Variants in COL9A3 observed in about 807,000 individuals in gnomAD.
COL9A3 encodes collagen alpha-3(IX) chain.
A neutral mutation model predicts 110.2 loss-of-function variants in COL9A3; 82 were observed. That is an observed-to-expected ratio of 0.74 (90% CI 0.62 to 0.89). COL9A3 has a LOEUF of 0.89. Among genes scored for constraint, COL9A3 ranks in the 40% least tolerant of loss-of-function variants. The pLI is 0.00. For missense variants in COL9A3, 1,066 were observed against 981.3 expected, an observed-to-expected ratio of 1.09 and a Z score of -1.15; for synonymous variants, 494 against 403.8, an observed-to-expected ratio of 1.22 and a Z score of -2.68.
chr20:62,838,638 G>A (rs949948971), intron 30 of COL9A3, 46 bp from the exon 31 acceptor site: 5 of 1,503,590 alleles, frequency 3.3e-6, no homozygotes, highest in African/African-American at 2.8e-5. Context: ...TGGTGTGGCT[G>A]CAACAGATAC....
At chr20:62,826,339 CGTGA>C (rs1313076615) in intron 14 of COL9A3, 82 bp downstream of exon 14, 2 of 1,297,162 alleles carry the variant, frequency 1.5e-6, no homozygotes, top group East Asian at 5.1e-5. Flanking sequence ...AGATGGGCCC[CGTGA>C]GTGACACTCT....
Position 62,828,921 on chromosome 20 carries a change from A to G in COL9A3, c.955-2A>G. The G allele has an allele frequency of 1.2e-6, 2 of 1,612,392 alleles. No individual in the cohort carries two copies. The highest frequency in any genetic ancestry group is 1.7e-6 in the Non-Finnish European group (2 of 1,179,860). Reference sequence around the variant, plus strand: ...TCCGCACCCCAATCTCTGTCCTCACAGGGAGAGGCTGGTCGCAACGGTGCT... The same window carrying G: ...TCCGCACCCCAATCTCTGTCCTCACGGGGAGAGGCTGGTCGCAACGGTGCT... On this transcript the variant is annotated splice_acceptor_variant, in intron 18 of 31. Coordinates refer to ENST00000649368, the MANE Select transcript of COL9A3 (RefSeq NM_001853.4). LOFTEE classifies it high-confidence loss of function.
intron 1 of COL9A3, 79 bp from the exon 2 acceptor site, chr20:62,817,488 C>G: frequency 4.6e-6 from 5 of 1,083,142 alleles, no homozygotes; most frequent in Non-Finnish European, 6.9e-6. Context: ...CCCGGAGCCG[C>G]TCGGGACCCG....
At chr20:62,834,766 C>A (rs755335876) in intron 26 of COL9A3, among the ~76,000 whole-genome samples, 1 of 152,180 alleles carries the variant, frequency 6.6e-6, no homozygotes. Context: ...CCTCAGCCTC[C>A]CGAGTAGCTG....
Position 62,840,651 on chromosome 20 carries a change from AC to A in COL9A3, c.1976del (p.Pro659ArgfsTer14), listed in dbSNP as rs778610378. 1.1e-5 allele frequency: 18 copies of A among 1,609,800 alleles called. No homozygotes were observed. The highest frequency in any genetic ancestry group is 1.4e-5 in the Non-Finnish European group (16 of 1,178,436). On this transcript the variant is annotated frameshift_variant, in exon 32 of 32. Coordinates refer to ENST00000649368, the MANE Select transcript of COL9A3 (RefSeq NM_001853.4). LOFTEE classifies it high-confidence loss of function. Reference protein sequence around the residue: ...LPGAIGAQGTPGICDTSACQG... With the variant: ...LPGAIGAQGTXGICDTSACQG... The stretch of plus-strand genomic sequence containing the variant: ...CAGGTGCCATTGGGGCCCAGGGGAC[AC>A]CGGGGATCTGCGACACCTCAGCCTG...
chr20:62,832,695 A>C lies in COL9A3; in HGVS notation c.1324-325A>C, dbSNP rs1311091207. The C allele has an allele frequency of 7.5e-5, 28 of 372,870 alleles. No homozygotes were observed. The South Asian group carries it at 8.9e-4, about 12-fold the overall frequency. The allele number at this position is 372,870 out of a possible 1,614,324, so 23.1% of individuals were successfully genotyped here. ...GGCCGTGGCTGCCCCGCCCTCCTGC[A>C]GTGCCTGCTCTCACTTCTAGGCACA... is the stretch of plus-strand genomic sequence containing the variant. On this transcript the variant is annotated intron_variant, in intron 25 of 31. Coordinates refer to ENST00000649368, the MANE Select transcript of COL9A3 (RefSeq NM_001853.4).
At chr20:62,819,383 C>A in intron 4 of COL9A3, 90 bp downstream of exon 4, 1 of 1,291,452 alleles carries the variant, frequency 7.7e-7, no homozygotes, top group Non-Finnish European at 1.1e-6. Context: ...TCCAGCTGGG[C>A]CTGCTCAGGC....
chr20:62,818,130 G>A (rs1054997117), intron 2 of COL9A3, among the ~76,000 whole-genome samples: 2 of 150,964 alleles, frequency 1.3e-5, no homozygotes, highest in Non-Finnish European at 1.5e-5. Context: ...TGCCTCCCTC[G>A]GAGGGACCGT....
chr20:62,828,887 G>A (rs1038004002), intron 18 of COL9A3, 36 bp from the exon 19 acceptor site: 4 of 1,612,436 alleles, frequency 2.5e-6, no homozygotes, highest in Non-Finnish European at 3.4e-6. Flanking sequence ...CGAGGCCTCA[G>A]CCTCCCCTTC....
chr20:62,824,493 G>T lies in COL9A3; in HGVS notation c.568G>T (p.Gly190Trp), dbSNP rs1482247009. The change falls in exon 11 of 32, where the codon GGG becomes TGG. Residue 190 changes from glycine to tryptophan, a missense_variant. By Grantham distance (184) the Gly-to-Trp change is radical (BLOSUM62 -2). Transcript: ENST00000649368. ...PGPPGPPGMPGFKGPTGYKGE... is the reference protein window; with the variant it reads ...PGPPGPPGMPWFKGPTGYKGE... ...TCCCCCAGGGCCCCCTGGAATGCCA[G>T]GGTTCAAGGTGAGTCACGGGTGACT... 1 of 1,596,536 alleles carries T rather than the reference G, an allele frequency of 6.3e-7. No homozygotes were observed. Among genetic ancestry groups the T allele is most frequent in the East Asian group, 2.3e-5 (1 of 44,052 alleles).
At chr20:62,840,027 C>T (rs541381756) in intron 31 of COL9A3, among the ~76,000 whole-genome samples, 1 of 152,258 alleles carries the variant, frequency 6.6e-6, no homozygotes, top group African/African-American at 2.4e-5. Context: ...TGCTGGTGGA[C>T]AGCAGCCTCC....
rs1475047922 is a variant in COL9A3 at position 62,826,232 on chromosome 20, G to A, written c.713G>A (p.Gly238Glu). The part of the protein sequence containing the change: ...QGPRGLRGLP[G>E]PLGPPGDRGP... The stretch of plus-strand genomic sequence containing the variant: ...CCCCGGGGATTACGAGGACTGCCAG[G>A]GCCACTCGGGCCCCCTGGGGACCGG... The change falls in exon 14 of 32, where the codon GGG becomes GAG. Residue 238 changes from glycine (G) to glutamate (E), a missense_variant. Gly to Glu is a moderately conservative substitution (Grantham distance 98). Coordinates refer to ENST00000649368, the MANE Select transcript of COL9A3 (RefSeq NM_001853.4). The A allele has an allele frequency of 6.4e-6, 10 of 1,559,140 alleles. No individual in the cohort carries two copies. The highest frequency in any genetic ancestry group is 2.7e-5 in the African/African-American group (2 of 73,688).
At chr20:62,839,258 A>C (rs139640053) in intron 31 of COL9A3, among the ~76,000 whole-genome samples, 112 of 152,274 alleles carry the variant, frequency 7.4e-4, no homozygotes, top group African/African-American at 2.5e-3. Flanking sequence ...ATCAGTAAGC[A>C]GATCCTCCTG....
At chr20:62,832,961 C>A in intron 25 of COL9A3, 59 bp from the exon 26 acceptor site, 1 of 1,476,874 alleles carries the variant, frequency 6.8e-7, no homozygotes. Flanking sequence ...GACTTTAAGG[C>A]ATGAAGTCCC....
chr20:62,832,761 C>A, intron 25 of COL9A3: 3 of 284,252 alleles, frequency 1.1e-5, no homozygotes, highest in East Asian at 2.1e-4. Context: ...GCCATCGAAC[C>A]CCCACCGCAG....
At chr20:62,821,045 C>T in intron 5 of COL9A3, 136 bp from the exon 6 acceptor site, 1 of 891,842 alleles carries the variant, frequency 1.1e-6, no homozygotes, top group Non-Finnish European at 1.8e-6. Context: ...GCTCAGAGGC[C>T]CTGCCCCTCT....
intron 24 of COL9A3, chr20:62,831,738 C>G (rs1007662374): frequency 1.9e-5 from 5 of 265,864 alleles, no homozygotes; most frequent in Non-Finnish European, 2.3e-5. Context: ...ACTTATGTGG[C>G]CATGTGAGCA....
intron 26 of COL9A3, 145 bp from the exon 27 acceptor site, chr20:62,835,776 G>A: frequency 1.2e-6 from 1 of 825,472 alleles, no homozygotes. Flanking sequence ...AATGTATATA[G>A]AAGAACGGAA....
rs371591824 is a variant in COL9A3, at chr20:62,826,838, C to T, written c.792+18C>T. The T allele has an allele frequency of 6.8e-6, 11 of 1,612,028 alleles. No individual in the cohort carries two copies. The highest frequency in any genetic ancestry group is 5.0e-5 in the Admixed American group (3 of 59,960). On this transcript the variant is annotated intron_variant, in intron 15 of 31. Coordinates refer to ENST00000649368, the MANE Select transcript of COL9A3 (RefSeq NM_001853.4). ...GGAAAGCGGTACGTGTGTCAGTGGA[C>T]GGTGGGCGCCATGCCTCGTGACCTC...
Sources: gnomAD v4.1 joint callset for allele counts (sites outside exome capture counted in the v4.1 genomes callset) on GRCh38, gnomAD v4.1.1 for gene constraint, MANE v1.5 for transcripts, NCBI Gene and HGNC (gene_info 2026-07-23, HGNC 2026-07-21) for gene names.